GPR176: variants seen among roughly 807,000 people sequenced by gnomAD.
The protein encoded by GPR176 is G-protein coupled receptor 176.
GPR176 carries 26 observed loss-of-function variants against 35.4 expected under a neutral mutation model. The observed-to-expected ratio is 0.74, with a 90% CI of 0.54 to 1.02. The LOEUF (loss-of-function observed/expected upper bound fraction) is 1.02. GPR176 is among the 50% of genes least tolerant of loss of function. The pLI, the probability that GPR176 is intolerant of heterozygous loss-of-function variation, is 0.00. For synonymous variants in GPR176, 278 were observed against 271.3 expected (o/e 1.02, Z -0.24); for missense variants, 597 against 665.3 (o/e 0.90, Z 1.13).
At chr15:39,865,406 G>A (rs2031785733) in intron 1 of GPR176, among the ~76,000 whole-genome samples, 1 of 152,124 alleles carries the variant, frequency 6.6e-6, no homozygotes, top group Non-Finnish European at 1.5e-5. Context: ...TCAGCAACAT[G>A]GATGGAACTG....
chr15:39,858,191 T>C (rs947596261), intron 1 of GPR176, among the ~76,000 whole-genome samples: 1 of 151,910 alleles, frequency 6.6e-6, no homozygotes, highest in Non-Finnish European at 1.5e-5. Flanking sequence ...AAACGGTGCT[T>C]ACTGGCAGAA....
chr15:39,832,079 A>G (rs191745929), intron 1 of GPR176, among the ~76,000 whole-genome samples: 87 of 152,120 alleles, frequency 5.7e-4, no homozygotes, highest in African/African-American at 2.0e-3. Context: ...CATTTCTCCA[A>G]AGAAGACATA....
chr15:39,853,422 A>G (rs1195411869), intron 1 of GPR176, among the ~76,000 whole-genome samples: 2 of 152,126 alleles, frequency 1.3e-5, no homozygotes, highest in East Asian at 3.9e-4. Flanking sequence ...GGAAAAGGGG[A>G]GTTGCTGTTC....
At chr15:39,825,456 C>T (rs974561185) in intron 1 of GPR176, among the ~76,000 whole-genome samples, 1 of 151,854 alleles carries the variant, frequency 6.6e-6, no homozygotes, top group African/African-American at 2.4e-5. Context: ...CATATATAAA[C>T]ATTTACATTG....
At chr15:39,906,744 A>G (rs2033433298) in intron 1 of GPR176, among the ~76,000 whole-genome samples, 1 of 152,220 alleles carries the variant, frequency 6.6e-6, no homozygotes, top group Non-Finnish European at 1.5e-5. Context: ...AATCCTGGCT[A>G]TGGATGAAAT....
intron 1 of GPR176, among the ~76,000 whole-genome samples, chr15:39,856,813 C>A (rs2031250460): frequency 6.6e-6 from 1 of 152,174 alleles, no homozygotes; most frequent in Admixed American, 6.5e-5. Context: ...TGGAGACTGG[C>A]TACCAAACAT....
At chr15:39,873,575 C>T (rs190460418) in intron 1 of GPR176, among the ~76,000 whole-genome samples, 1 of 151,886 alleles carries the variant, frequency 6.6e-6, no homozygotes, top group Non-Finnish European at 1.5e-5. Flanking sequence ...TACATTAGCA[C>T]CTCATTCTAT....
At chr15:39,911,652 T>C (rs1455386274) in intron 1 of GPR176, among the ~76,000 whole-genome samples, 1 of 152,248 alleles carries the variant, frequency 6.6e-6, no homozygotes, top group Non-Finnish European at 1.5e-5. Context: ...AGTGGGAGGA[T>C]GCTTTCTATA....
chr15:39,875,736 T>A (rs1375869411), intron 1 of GPR176, among the ~76,000 whole-genome samples: 1 of 152,124 alleles, frequency 6.6e-6, no homozygotes, highest in Admixed American at 6.5e-5. Context: ...GAATAACATA[T>A]GTGAAAATGT....
intron 1 of GPR176, among the ~76,000 whole-genome samples, chr15:39,896,122 G>A (rs1345682557): frequency 6.6e-6 from 1 of 152,014 alleles, no homozygotes; most frequent in Non-Finnish European, 1.5e-5. Flanking sequence ...TGGCATGATC[G>A]TAGCTCACTG....
intron 1 of GPR176, among the ~76,000 whole-genome samples, chr15:39,897,175 T>C (rs1432272405): frequency 2.0e-5 from 3 of 152,200 alleles, no homozygotes; most frequent in Non-Finnish European, 4.4e-5. Context: ...AACAGTTCCA[T>C]GACCCTGAGG....
intron 1 of GPR176, among the ~76,000 whole-genome samples, chr15:39,823,577 C>T (rs957368314): frequency 7.2e-5 from 11 of 152,122 alleles, no homozygotes; most frequent in Admixed American, 2.0e-4. Context: ...TGCAGCTCCT[C>T]GCTGGTCTCC....
chr15:39,891,581 C>A (rs1163949036), intron 1 of GPR176, among the ~76,000 whole-genome samples: 1 of 152,224 alleles, frequency 6.6e-6, no homozygotes, highest in African/African-American at 2.4e-5. Context: ...CTCAAGTGAT[C>A]CTGCTTCAGC....
chr15:39,892,927 G>A (rs1439424381), intron 1 of GPR176, among the ~76,000 whole-genome samples: 1 of 152,330 alleles, frequency 6.6e-6, no homozygotes, highest in South Asian at 2.1e-4. Flanking sequence ...CTATGCTGTA[G>A]AATAGGTAGA....
chr15:39,868,619 C>G (rs2031920900), intron 1 of GPR176, among the ~76,000 whole-genome samples: 1 of 152,150 alleles, frequency 6.6e-6, no homozygotes, highest in South Asian at 2.1e-4. Flanking sequence ...TGCCAAAACA[C>G]TTGCTGTGGG....
At chr15:39,916,274 T>C (rs896601286) in intron 1 of GPR176, among the ~76,000 whole-genome samples, 1 of 152,222 alleles carries the variant, frequency 6.6e-6, no homozygotes, top group South Asian at 2.1e-4. Flanking sequence ...ATTGGTGCCA[T>C]TGAAGAGGAA....
At chr15:39,823,331 AC>A (rs1342108705) in intron 1 of GPR176, among the ~76,000 whole-genome samples, 1 of 152,032 alleles carries the variant, frequency 6.6e-6, no homozygotes, top group Non-Finnish European at 1.5e-5. Context: ...TAAGCATTTG[AC>A]CTTTCCCAAA....
intron 1 of GPR176, among the ~76,000 whole-genome samples, chr15:39,868,027 C>G (rs1299291778): frequency 6.6e-6 from 1 of 152,010 alleles, no homozygotes; most frequent in Admixed American, 6.6e-5. Context: ...ATGATGCCAC[C>G]TGTTAAGATA....
intron 1 of GPR176, among the ~76,000 whole-genome samples, chr15:39,868,814 G>A (rs552148764): frequency 3.9e-5 from 6 of 152,234 alleles, no homozygotes; most frequent in Non-Finnish European, 5.9e-5. Flanking sequence ...GTGCCCATAC[G>A]AAGGGGCAGG....
Sources: allele counts gnomAD v4.1 joint callset (sites outside exome capture counted in the v4.1 genomes callset), GRCh38; gene constraint gnomAD v4.1.1; transcripts MANE v1.5; gene names NCBI Gene and HGNC (gene_info 2026-07-23, HGNC 2026-07-21).